Variants in BMP5 observed in about 807,000 individuals in gnomAD.
BMP5 encodes bone morphogenetic protein 5.
In BMP5, 23 loss-of-function variants were observed where a neutral mutation model predicts 46.6. That is an observed-to-expected ratio of 0.49 (90% CI 0.35 to 0.70). The LOEUF (loss-of-function observed/expected upper bound fraction) is 0.70. Among genes scored for constraint, BMP5 ranks in the 30% least tolerant of loss-of-function variants. The probability of loss-of-function intolerance (pLI) is 0.00; values close to 1 mark genes in which losing one functional copy is unlikely to be tolerated. For missense variants in BMP5, 545 were observed against 565.6 expected (o/e 0.96, Z 0.37); for synonymous variants, 204 against 191.9 (o/e 1.06, Z -0.52).
At chr6:55,866,074 T>G (rs902569989) in intron 1 of BMP5, among the ~76,000 whole-genome samples, 1 of 152,194 alleles carries the variant, frequency 6.6e-6, no homozygotes, top group Non-Finnish European at 1.5e-5. Flanking sequence ...ATAAGTCTTT[T>G]GTGTGTCTGC....
rs1777883323 is a variant in BMP5, at chr6:55,875,401, C to T, written c.-536G>A. ...TATCTGTCCGGCAGCTTGGTGATAA[C>T]TTTAACATCTTTTGTGTCGTCTTAG... On this transcript the variant is annotated 5_prime_UTR_variant, in exon 1 of 7. Coordinates refer to ENST00000370830, the MANE Select transcript of BMP5 (RefSeq NM_021073.4). 1 of 160,516 alleles carries T rather than the reference C, an allele frequency of 6.2e-6. No individual in the cohort carries two copies. The highest frequency in any genetic ancestry group is 1.7e-4 in the South Asian group (1 of 5,982). The allele number at this position is 160,516 out of a possible 1,614,324, so 9.9% of individuals were successfully genotyped here. A position where few individuals can be genotyped will look rare whatever the true frequency, so the allele number is the denominator to read the frequency against.
At chr6:55,785,246 A>T (rs1464823589) in intron 3 of BMP5, among the ~76,000 whole-genome samples, 1 of 151,882 alleles carries the variant, frequency 6.6e-6, no homozygotes, top group Non-Finnish European at 1.5e-5. Context: ...AAAAGAGGAT[A>T]TTTGTATAGA....
chr6:55,802,762 C>G lies in BMP5; in HGVS notation c.684-8335G>C, dbSNP rs182742679. 5.9e-4 allele frequency among the ~76,000 whole-genome samples: 90 copies of G among 151,478 alleles called. No homozygotes were observed. In the East Asian group the frequency reaches 0.016, roughly 28 times the overall value. On this transcript the variant is annotated intron_variant, in intron 2 of 6. Transcript: ENST00000370830. The stretch of plus-strand genomic sequence containing the variant: ...TTGCCATTACTTTTAATGGCAAAAA[C>G]CACAAGTACTTTTGCACCTACCTAA...
chr6:55,819,227 A>G (rs1345109271), intron 2 of BMP5, among the ~76,000 whole-genome samples: 1 of 152,218 alleles, frequency 6.6e-6, no homozygotes, highest in East Asian at 1.9e-4. Flanking sequence ...CAAAATACAC[A>G]TAAAAATGAA....
At position 55,873,620 on chromosome 6, in the gene BMP5, A is replaced by T. The variant is rs983775161; in HGVS notation, c.490+756T>A. ...CCAGCTACAACTAAAACATAATTTT[A>T]AAATTTTCTCATTAATATTGTTGTG... is the stretch of plus-strand genomic sequence containing the variant. On this transcript the variant is annotated intron_variant, in intron 1 of 6. Transcript: ENST00000370830. Among the ~76,000 whole-genome samples the T allele has an allele frequency of 5.9e-5, 9 of 152,080 alleles. No homozygotes were observed. The East Asian group carries it at 7.7e-4, about 13-fold the overall frequency.
At position 55,760,475 on chromosome 6, in the gene BMP5, G is replaced by A; in HGVS notation, c.1086C>T (p.Phe362=). ...TTCCTACCTGCCATCCCAGATCCCG[G>A]AAGCTCACATAGAGTTCGTGCTTCT... ...ACKKHELYVS[F]RDLGWQDWII... The change falls in exon 5 of 7, where the codon TTC becomes TTT. Residue 362 remains phenylalanine (F), a synonymous_variant. Transcript: ENST00000370830. 1 of 1,613,084 alleles carries A rather than the reference G, an allele frequency of 6.2e-7. No homozygotes were observed. The highest frequency in any genetic ancestry group is 8.5e-7 in the Non-Finnish European group (1 of 1,179,308).
At chr6:55,841,311 C>T (rs760838093) in intron 1 of BMP5, among the ~76,000 whole-genome samples, 5 of 152,162 alleles carry the variant, frequency 3.3e-5, no homozygotes, top group Non-Finnish European at 4.4e-5. Context: ...TCTCTTCTCT[C>T]CTTCTAGAAC....
intron 3 of BMP5, among the ~76,000 whole-genome samples, chr6:55,792,896 C>T (rs971134341): frequency 6.6e-6 from 1 of 152,012 alleles, no homozygotes; most frequent in South Asian, 2.1e-4. Flanking sequence ...AAGCAGTGAA[C>T]CTTAAATAAG....
At chr6:55,818,683 T>C (rs1660535293) in intron 2 of BMP5, among the ~76,000 whole-genome samples, 1 of 152,178 alleles carries the variant, frequency 6.6e-6, no homozygotes, top group Admixed American at 6.6e-5. Context: ...TGCAAGGCAC[T>C]ATTGCGAAAT....
At chr6:55,831,616 G>C (rs774327747) in intron 1 of BMP5, among the ~76,000 whole-genome samples, 2 of 150,414 alleles carry the variant, frequency 1.3e-5, no homozygotes, top group Non-Finnish European at 3.0e-5. Context: ...AATTAGAAGT[G>C]GAAAATTAGA....
At chr6:55,778,695 T>C (rs1438833189) in intron 3 of BMP5, among the ~76,000 whole-genome samples, 1 of 152,068 alleles carries the variant, frequency 6.6e-6, no homozygotes, top group Non-Finnish European at 1.5e-5. Context: ...TATATGGGTA[T>C]ATTATTTTAC....
At chr6:55,812,241 A>G (rs889758065) in intron 2 of BMP5, among the ~76,000 whole-genome samples, 1 of 152,258 alleles carries the variant, frequency 6.6e-6, no homozygotes, top group Non-Finnish European at 1.5e-5. Context: ...ATAGATTTGG[A>G]TAAGTATCAG....
At chr6:55,839,000 T>A (rs1012062484) in intron 1 of BMP5, among the ~76,000 whole-genome samples, 8 of 152,140 alleles carry the variant, frequency 5.3e-5, no homozygotes, top group African/African-American at 1.7e-4. Context: ...TCTAACTGAA[T>A]TCCCAATCAA....
At chr6:55,783,229 T>G (rs1002809979) in intron 3 of BMP5, among the ~76,000 whole-genome samples, 7 of 152,202 alleles carry the variant, frequency 4.6e-5, no homozygotes, top group African/African-American at 1.4e-4. Flanking sequence ...ATTCAATTAC[T>G]GTCACACTAC....
chr6:55,819,953 G>T, intron 1 of BMP5, 106 bp from the exon 2 acceptor site: 1 of 1,032,992 alleles, frequency 9.7e-7, no homozygotes, highest in Non-Finnish European at 1.4e-6. Context: ...AAGCAGGATA[G>T]TATAAAACTG....
intron 2 of BMP5, among the ~76,000 whole-genome samples, chr6:55,808,016 G>A (rs1031688998): frequency 6.6e-6 from 1 of 152,150 alleles, no homozygotes; most frequent in African/African-American, 2.4e-5. Context: ...TGGAGGAGGT[G>A]TACTTCAGTG....
intron 1 of BMP5, among the ~76,000 whole-genome samples, chr6:55,827,957 C>T (rs559414200): frequency 1.9e-4 from 29 of 151,898 alleles, no homozygotes; most frequent in African/African-American, 6.3e-4. Flanking sequence ...CTTACATTTT[C>T]TTTAGTGGAA....
At chr6:55,828,506 T>C (rs934857986) in intron 1 of BMP5, among the ~76,000 whole-genome samples, 15 of 151,978 alleles carry the variant, frequency 9.9e-5, no homozygotes, top group Admixed American at 9.9e-4. Flanking sequence ...CATGCCATTT[T>C]ACATATGATG....
Position 55,759,100 on chromosome 6 carries a change from G to C in BMP5, c.1120C>G (p.Pro374Ala). ...DLGWQDWIIAPEGYAAFYCDG... is the reference protein window; with the variant it reads ...DLGWQDWIIAAEGYAAFYCDG... ...CAATAAAATGCAGCGTATCCTTCTG[G>C]TGCTATAATCCAGTCCTGACACATA... The change falls in exon 6 of 7, where the codon CCA becomes GCA. Residue 374 changes from proline (P) to alanine (A), a missense_variant. Physicochemically the swap from Pro to Ala is conservative, Grantham distance 27. Coordinates refer to ENST00000370830, the MANE Select transcript of BMP5 (RefSeq NM_021073.4). The C allele has an allele frequency of 7.6e-7, 1 of 1,313,590 alleles. No homozygotes were observed. Among genetic ancestry groups the C allele is most frequent in the Non-Finnish European group, 1.0e-6 (1 of 1,001,206 alleles). 81.4% of individuals were successfully genotyped at this position (1,313,590 alleles called of 1,614,324 possible).
Sources: gnomAD v4.1 joint callset for allele counts (sites outside exome capture counted in the v4.1 genomes callset) on GRCh38, gnomAD v4.1.1 for gene constraint, MANE v1.5 for transcripts, NCBI Gene and HGNC (gene_info 2026-07-23, HGNC 2026-07-21) for gene names.